Variants in STK32C observed in about 807,000 individuals in gnomAD.
STK32C encodes serine/threonine-protein kinase 32C.
STK32C carries 31 observed loss-of-function variants against 56.5 expected under a neutral mutation model. That is an observed-to-expected ratio of 0.55 (90% confidence interval 0.41 to 0.74). The LOEUF (loss-of-function observed/expected upper bound fraction) is 0.74, where lower values mean the gene tolerates loss of function less well. STK32C is among the 30% of genes least tolerant of loss of function. The pLI is 0.00. For synonymous variants in STK32C, 309 were observed against 289.4 expected, an observed-to-expected ratio of 1.07 and a Z score of -0.69; for missense variants, 544 against 676.9, an observed-to-expected ratio of 0.80 and a Z score of 2.18.
intron 2 of STK32C, among the ~76,000 whole-genome samples, chr10:132,240,204 A>AC (rs1316132731): frequency 6.6e-6 from 1 of 152,028 alleles, no homozygotes; most frequent in Non-Finnish European, 1.5e-5. Flanking sequence ...TCATCCCAGA[A>AC]CCCGGACACC....
intron 1 of STK32C, among the ~76,000 whole-genome samples, chr10:132,279,707 C>A (rs34855191): frequency 2.7e-5 from 4 of 146,948 alleles, no homozygotes; most frequent in Non-Finnish European, 6.0e-5. Context: ...TCCGTGATCA[C>A]GACACTCCAC....
chr10:132,233,221 C>T (rs2063158650), intron 2 of STK32C, among the ~76,000 whole-genome samples: 2 of 152,154 alleles, frequency 1.3e-5, no homozygotes, highest in African/African-American at 2.4e-5. Flanking sequence ...AAGGTGCAGC[C>T]CAGTATGGGG....
chr10:132,259,361 C>T (rs2064230624), intron 1 of STK32C, among the ~76,000 whole-genome samples: 1 of 152,214 alleles, frequency 6.6e-6, no homozygotes, highest in Non-Finnish European at 1.5e-5. Flanking sequence ...ATTGTCATCC[C>T]CAGTGTTGGA....
intron 1 of STK32C, among the ~76,000 whole-genome samples, chr10:132,297,410 A>C (rs2065782735): frequency 6.6e-6 from 1 of 152,084 alleles, no homozygotes. Flanking sequence ...TGCCACCTAC[A>C]ATTCCCAGCC....
At chr10:132,323,462 G>A (rs1473491892), downstream of STK32C, among the ~76,000 whole-genome samples, 7 of 152,200 alleles carry the variant, frequency 4.6e-5, no homozygotes, top group South Asian at 4.1e-4. The surrounding 1 kb of genome is among the most constrained non-coding windows in gnomAD (Gnocchi z 4.8). Context: ...CTGGCACCTC[G>A]TCAATGTATT....
chr10:132,224,613 G>A, intron 7 of STK32C, 90 bp from the exon 8 acceptor site: 4 of 938,290 alleles, frequency 4.3e-6, no homozygotes, highest in Non-Finnish European at 6.6e-6. Context: ...GCCCTGAGAG[G>A]ACCCCCTCCC....
chr10:132,304,413 C>T (rs942581086), intron 1 of STK32C, among the ~76,000 whole-genome samples: 3 of 152,200 alleles, frequency 2.0e-5, no homozygotes, highest in African/African-American at 4.8e-5. Context: ...GTGAATGACT[C>T]GGGTCCACAG....
chr10:132,326,884 T>C (rs2066509576), intron 1 of STK32C, among the ~76,000 whole-genome samples: 1 of 152,230 alleles, frequency 6.6e-6, no homozygotes, highest in African/African-American at 2.4e-5. Context: ...GGACTCAGAC[T>C]TTTGTTTTTG....
chr10:132,218,901 G>A (rs1037825812), intron 10 of STK32C, among the ~76,000 whole-genome samples: 11 of 152,204 alleles, frequency 7.2e-5, no homozygotes, highest in Non-Finnish European at 1.3e-4. Flanking sequence ...AGGCTACAAC[G>A]TGGACGGGCC....
intron 2 of STK32C, among the ~76,000 whole-genome samples, chr10:132,238,792 C>G (rs1389622339): frequency 6.6e-6 from 1 of 152,208 alleles, no homozygotes; most frequent in East Asian, 1.9e-4. Context: ...CACACACACA[C>G]ACATACCACA....
At chr10:132,234,822 A>G (rs780733857) in intron 2 of STK32C, among the ~76,000 whole-genome samples, 8 of 152,212 alleles carry the variant, frequency 5.3e-5, no homozygotes, top group Admixed American at 6.5e-5. Flanking sequence ...AGCCTTGCAC[A>G]TGGGCTAATT....
At chr10:132,252,025 T>A (rs917032905) in intron 1 of STK32C, among the ~76,000 whole-genome samples, 1 of 152,102 alleles carries the variant, frequency 6.6e-6, no homozygotes, top group Non-Finnish European at 1.5e-5. Context: ...CTATGCCTCC[T>A]GGGGCCTCCG....
intron 1 of STK32C, among the ~76,000 whole-genome samples, chr10:132,280,427 C>T (rs1222839137): frequency 6.8e-6 from 1 of 147,328 alleles, no homozygotes; most frequent in Non-Finnish European, 1.5e-5. Flanking sequence ...GATCACACCA[C>T]TGCACTCCGT....
chr10:132,234,860 C>T (rs1289378987), intron 2 of STK32C, among the ~76,000 whole-genome samples: 1 of 152,188 alleles, frequency 6.6e-6, no homozygotes, highest in Non-Finnish European at 1.5e-5. Context: ...GACACTTGTG[C>T]AGTATGCCCA....
chr10:132,245,680 G>A (rs116397427), intron 2 of STK32C, among the ~76,000 whole-genome samples: 6,339 of 152,312 alleles, frequency 0.042, 225 homozygotes, highest in African/African-American at 0.095. Context: ...GGACGCTGCG[G>A]AGTTGGTGAC....
At chr10:132,220,882 G>A (rs2062615796) in intron 10 of STK32C, among the ~76,000 whole-genome samples, 1 of 152,210 alleles carries the variant, frequency 6.6e-6, no homozygotes, top group African/African-American at 2.4e-5. Context: ...CCGATTTACA[G>A]AAACTGAGAT....
chr10:132,216,796 C>A (rs2137613381), intron 10 of STK32C, among the ~76,000 whole-genome samples: 1 of 152,378 alleles, frequency 6.6e-6, no homozygotes, highest in Middle Eastern at 3.4e-3. Flanking sequence ...GCTGTGGCAG[C>A]TTCCATGTGG....
upstream of STK32C, chr10:132,331,969 G>A: frequency 2.4e-6 from 1 of 421,818 alleles, no homozygotes; most frequent in Non-Finnish European, 3.9e-6. Flanking sequence ...ACCACACCCC[G>A]CCCCCTCCCG....
intron 1 of STK32C, among the ~76,000 whole-genome samples, chr10:132,256,265 G>C (rs1179562412): frequency 6.6e-6 from 1 of 152,118 alleles, no homozygotes; most frequent in Non-Finnish European, 1.5e-5. Flanking sequence ...CCGGGGTCCT[G>C]GTGCCTACAC....
Sources: gnomAD v4.1 joint callset for allele counts (sites outside exome capture counted in the v4.1 genomes callset) on GRCh38, gnomAD v4.1.1 for gene constraint, Gnocchi (gnomAD v3.1) non-coding constraint, MANE v1.5 for transcripts, NCBI Gene and HGNC (gene_info 2026-07-23, HGNC 2026-07-21) for gene names.